ZFAT: variants seen among roughly 807,000 people sequenced by gnomAD.
ZFAT encodes the protein zinc finger and AT-hook domain containing.
A neutral mutation model predicts 117.7 loss-of-function variants in ZFAT; 64 were observed. The ratio of observed to expected loss-of-function variants is 0.54; its 90% confidence interval spans 0.44 to 0.67. The LOEUF is 0.67. Ranked by LOEUF, ZFAT falls within the 30% of genes least tolerant of loss-of-function variation. ZFAT has a pLI of 0.00. For synonymous variants in ZFAT, 679 were observed against 615.0 expected (o/e 1.10, Z -1.54); for missense variants, 1,433 against 1,584.5 (o/e 0.90, Z 1.62).
At chr8:134,626,731 A>G (rs1239295050) in intron 3 of ZFAT, among the ~76,000 whole-genome samples, 1 of 152,260 alleles carries the variant, frequency 6.6e-6, no homozygotes, top group Non-Finnish European at 1.5e-5. Context: ...ACCTCTGGGC[A>G]TGCTGGAGCT....
chr8:134,770,914 C>T, the ZFAT span, among the ~76,000 whole-genome samples: 198 of 151,988 alleles, frequency 1.3e-3, 2 homozygotes, highest in Admixed American at 4.9e-3. Context: ...AAATTCCCAC[C>T]GAATAAATTT....
chr8:134,664,993 C>A (rs1832136907), intron 1 of ZFAT, among the ~76,000 whole-genome samples: 2 of 152,296 alleles, frequency 1.3e-5, no homozygotes, highest in South Asian at 4.1e-4. Flanking sequence ...AATGGAAAAT[C>A]CTAAAATAAC....
chr8:134,607,045 T>C (rs1288725267), intron 5 of ZFAT, among the ~76,000 whole-genome samples: 1 of 152,200 alleles, frequency 6.6e-6, no homozygotes, highest in Non-Finnish European at 1.5e-5. Flanking sequence ...TCTTATAATT[T>C]GCACAATAAA....
chr8:134,807,158 A>C, the ZFAT span, among the ~76,000 whole-genome samples: 1 of 152,250 alleles, frequency 6.6e-6, no homozygotes, highest in African/African-American at 2.4e-5. Flanking sequence ...AATGTTTGTC[A>C]ATCTATCAAA....
At chr8:134,802,350 G>C in the ZFAT span, among the ~76,000 whole-genome samples, 3 of 152,278 alleles carry the variant, frequency 2.0e-5, no homozygotes, top group South Asian at 6.2e-4. Context: ...AATGAATAAA[G>C]CTGTAACAAG....
intron 2 of ZFAT, chr8:134,640,012 T>C: frequency 2.9e-6 from 1 of 345,358 alleles, no homozygotes; most frequent in Non-Finnish European, 5.7e-6. Context: ...CCTCCTGATG[T>C]CCTATGTTGT....
chr8:134,704,113 G>A (rs564046623), intron 1 of ZFAT, among the ~76,000 whole-genome samples: 8 of 152,248 alleles, frequency 5.3e-5, no homozygotes, highest in African/African-American at 1.7e-4. Flanking sequence ...ACTTCACCCA[G>A]TTCTGCTTCC....
intron 2 of ZFAT, chr8:134,639,687 T>C (rs1198187385): frequency 2.0e-5 from 9 of 456,100 alleles, no homozygotes; most frequent in Admixed American, 7.0e-5. Flanking sequence ...CTTATTCTTC[T>C]TCACAACAAC....
upstream of ZFAT, among the ~76,000 whole-genome samples, chr8:134,715,472 A>G (rs1395833716): frequency 6.6e-6 from 1 of 152,234 alleles, no homozygotes; most frequent in Non-Finnish European, 1.5e-5. Flanking sequence ...GGGGGAATCC[A>G]GGTTCGTAAA....
Position 134,706,727 on chromosome 8 carries a change from T to C in ZFAT, c.19+6118A>G, listed in dbSNP as rs1201055338. 2.0e-5 allele frequency among the ~76,000 whole-genome samples: 3 copies of C among 151,942 alleles called. No homozygotes were observed. The East Asian group carries it at 5.8e-4, about 29-fold the overall frequency. On this transcript the variant is annotated intron_variant, in intron 1 of 15. Coordinates refer to ENST00000377838, the MANE Select transcript of ZFAT (RefSeq NM_020863.4). ...CAAACAAAAAAAGACTAGTGGTTGC[T>C]TGGGGTGAGGAGCAGGGATGGGATA...
chr8:134,806,146 C>A, the ZFAT span, among the ~76,000 whole-genome samples: 11 of 152,094 alleles, frequency 7.2e-5, no homozygotes, highest in Non-Finnish European at 1.5e-4. Flanking sequence ...ACACACTCTA[C>A]AGAATAACTA....
chr8:134,695,518 A>C (rs1265884839), intron 1 of ZFAT, among the ~76,000 whole-genome samples: 21 of 125,498 alleles, frequency 1.7e-4, no homozygotes, highest in African/African-American at 3.1e-4. Context: ...CACCGCCCCC[A>C]CCCCCAGGCC....
intron 5 of ZFAT, 125 bp downstream of exon 5, chr8:134,608,604 G>C: frequency 8.4e-7 from 1 of 1,190,890 alleles, no homozygotes; most frequent in Admixed American, 2.7e-5. Context: ...CAAGGAGTCA[G>C]TATCTCTTAT....
chr8:134,793,191 C>G, the ZFAT span: 12 of 152,134 alleles, frequency 7.9e-5, no homozygotes, highest in Admixed American at 3.9e-4. Context: ...TATGAGTAAA[C>G]CCATCTCTGT....
chr8:134,761,240 A>G, the ZFAT span, among the ~76,000 whole-genome samples: 2 of 152,160 alleles, frequency 1.3e-5, no homozygotes, highest in African/African-American at 4.8e-5. Context: ...GGATACAACT[A>G]TGAATGATAC....
chr8:134,741,559 G>A, the ZFAT span, among the ~76,000 whole-genome samples: 2 of 152,086 alleles, frequency 1.3e-5, no homozygotes, highest in African/African-American at 4.8e-5. Flanking sequence ...TTTCTTAAAT[G>A]TGGATGCTTC....
At chr8:134,713,312 A>C (rs1361111732), upstream of ZFAT, among the ~76,000 whole-genome samples, 1 of 152,216 alleles carries the variant, frequency 6.6e-6, no homozygotes. Context: ...GACCCGCGGC[A>C]TGTGGGGCCG....
intron 3 of ZFAT, among the ~76,000 whole-genome samples, chr8:134,620,756 G>T (rs1482579963): frequency 6.6e-6 from 1 of 152,312 alleles, no homozygotes; most frequent in Non-Finnish European, 1.5e-5. Flanking sequence ...ACTAACACTT[G>T]TTTCAGAGAA....
chr8:134,489,915 T>C (rs1034915005), intron 15 of ZFAT, among the ~76,000 whole-genome samples: 3 of 152,096 alleles, frequency 2.0e-5, no homozygotes, highest in African/African-American at 7.2e-5. Context: ...GGCACCACCA[T>C]CCACCCTCTT....
Sources: gnomAD v4.1 joint callset for allele counts (sites outside exome capture counted in the v4.1 genomes callset) on GRCh38, gnomAD v4.1.1 for gene constraint, MANE v1.5 for transcripts, NCBI Gene and HGNC (gene_info 2026-07-23, HGNC 2026-07-21) for gene names.